Variants in FAM13A observed in about 807,000 individuals in gnomAD.
FAM13A encodes the protein family with sequence similarity 13 member A.
A neutral mutation model predicts 129.6 loss-of-function variants in FAM13A; 76 were observed. The ratio of observed to expected loss-of-function variants is 0.59; its 90% confidence interval spans 0.49 to 0.71. The LOEUF (loss-of-function observed/expected upper bound fraction) is 0.71. Ranked by LOEUF, FAM13A falls within the 30% of genes least tolerant of loss-of-function variation. The pLI is 0.00. For missense variants in FAM13A, 1,108 were observed against 1,249.3 expected (o/e 0.89, Z 1.70); for synonymous variants, 443 against 449.9 (o/e 0.98, Z 0.20).
chr4:88,874,090 G>GCC (rs1741939194), intron 6 of FAM13A, among the ~76,000 whole-genome samples: 1 of 152,064 alleles, frequency 6.6e-6, no homozygotes, highest in Non-Finnish European at 1.5e-5. Context: ...ATTCAACACT[G>GCC]CTTCATGCTG....
chr4:89,022,461 T>G (rs1278213971), intron 2 of FAM13A, among the ~76,000 whole-genome samples: 1 of 152,104 alleles, frequency 6.6e-6, no homozygotes, highest in African/African-American at 2.4e-5. Flanking sequence ...TAGCTCCAAT[T>G]CTGAAAAAAA....
intron 4 of FAM13A, among the ~76,000 whole-genome samples, chr4:88,982,085 T>G (rs1299709032): frequency 6.6e-6 from 1 of 152,224 alleles, no homozygotes; most frequent in Non-Finnish European, 1.5e-5. Flanking sequence ...CAGATTGGTC[T>G]GAGAGGCGGG....
intron 14 of FAM13A, among the ~76,000 whole-genome samples, chr4:88,752,527 G>A (rs545536664): frequency 2.2e-4 from 33 of 152,336 alleles, no homozygotes; most frequent in African/African-American, 7.0e-4. Flanking sequence ...AATGAAAGCA[G>A]TGTTAAAGAC....
chr4:89,011,613 C>T (rs1019053881), intron 3 of FAM13A, among the ~76,000 whole-genome samples: 2 of 151,954 alleles, frequency 1.3e-5, no homozygotes, highest in Non-Finnish European at 2.9e-5. Flanking sequence ...GACCCTATAC[C>T]ACCTAACCTC....
chr4:88,978,101 C>T (rs542031035), intron 4 of FAM13A, among the ~76,000 whole-genome samples: 13 of 152,208 alleles, frequency 8.5e-5, no homozygotes, highest in Admixed American at 3.9e-4. Flanking sequence ...CCTATAACTA[C>T]CTCACCAAGA....
intron 1 of FAM13A, among the ~76,000 whole-genome samples, chr4:89,056,472 G>T (rs572837304): frequency 6.6e-6 from 1 of 152,210 alleles, no homozygotes; most frequent in Middle Eastern, 3.4e-3. Flanking sequence ...CAGCAATCAT[G>T]CTGAAACAGA....
At chr4:89,027,554 T>A (rs1330216167) in intron 2 of FAM13A, among the ~76,000 whole-genome samples, 3 of 152,032 alleles carry the variant, frequency 2.0e-5, no homozygotes, top group African/African-American at 7.2e-5. Flanking sequence ...GGGAGAGATT[T>A]GTTCTTACCA....
At chr4:88,760,918 G>T (rs1180243163) in intron 13 of FAM13A, among the ~76,000 whole-genome samples, 1 of 152,016 alleles carries the variant, frequency 6.6e-6, no homozygotes, top group East Asian at 1.9e-4. Context: ...TTCTCAAAAA[G>T]ATTTATAATG....
At chr4:88,774,334 A>G (rs6841084) in intron 11 of FAM13A, among the ~76,000 whole-genome samples, 2 of 152,058 alleles carry the variant, frequency 1.3e-5, no homozygotes, top group African/African-American at 4.8e-5. Context: ...TGAGACTGTA[A>G]ACTTCAGGAA....
At chr4:89,037,354 T>C (rs886191047) in intron 1 of FAM13A, among the ~76,000 whole-genome samples, 3 of 152,240 alleles carry the variant, frequency 2.0e-5, no homozygotes, top group African/African-American at 7.2e-5. Flanking sequence ...CTGCTGGGTT[T>C]CAAACTTGCA....
At chr4:88,770,199 A>T (rs1249875236) in intron 11 of FAM13A, among the ~76,000 whole-genome samples, 3 of 152,226 alleles carry the variant, frequency 2.0e-5, no homozygotes, top group Non-Finnish European at 4.4e-5. Flanking sequence ...AGTGTGAGTT[A>T]GAAGAGGCCT....
intron 1 of FAM13A, among the ~76,000 whole-genome samples, chr4:89,035,609 A>C (rs1427273993): frequency 1.3e-5 from 2 of 152,192 alleles, no homozygotes; most frequent in African/African-American, 4.8e-5. Context: ...TCTCATGTGG[A>C]ATTGTAATCT....
At chr4:88,770,998 T>A (rs1212169230) in intron 11 of FAM13A, among the ~76,000 whole-genome samples, 1 of 152,214 alleles carries the variant, frequency 6.6e-6, no homozygotes, top group Non-Finnish European at 1.5e-5. Context: ...AATTGTCATG[T>A]TATTTCTGTG....
intron 4 of FAM13A, among the ~76,000 whole-genome samples, chr4:88,984,688 T>G (rs1433600038): frequency 6.6e-6 from 1 of 152,194 alleles, no homozygotes; most frequent in Non-Finnish European, 1.5e-5. Flanking sequence ...CATGGCCATG[T>G]GTCTTTCTCT....
intron 6 of FAM13A, among the ~76,000 whole-genome samples, chr4:88,877,754 A>C (rs140287521): frequency 1.1e-4 from 17 of 152,298 alleles, no homozygotes; most frequent in African/African-American, 3.6e-4. Flanking sequence ...TTTTCTAATA[A>C]GATTTAAATT....
intron 4 of FAM13A, among the ~76,000 whole-genome samples, chr4:88,987,406 G>A (rs1470245403): frequency 6.6e-6 from 1 of 152,116 alleles, no homozygotes; most frequent in Non-Finnish European, 1.5e-5. Context: ...CAAAGGGAAT[G>A]CCACAGCCTT....
chr4:88,780,922 G>GA (rs1197291828), intron 11 of FAM13A, among the ~76,000 whole-genome samples: 1 of 151,230 alleles, frequency 6.6e-6, no homozygotes, highest in Non-Finnish European at 1.5e-5. Context: ...AAAAAAAAGA[G>GA]AAAAAAACAA....
chr4:88,944,357 T>C (rs1470582121), intron 4 of FAM13A, among the ~76,000 whole-genome samples: 1 of 152,128 alleles, frequency 6.6e-6, no homozygotes, highest in African/African-American at 2.4e-5. Context: ...AGTTCCTCTT[T>C]TAAAAAAAAG....
chr4:88,970,604 C>T (rs1033898816), intron 4 of FAM13A, among the ~76,000 whole-genome samples: 7 of 151,498 alleles, frequency 4.6e-5, no homozygotes, highest in Non-Finnish European at 7.4e-5. Flanking sequence ...ATTATATAGA[C>T]TGATCTTCAA....
Sources: gnomAD v4.1 joint callset for allele counts (sites outside exome capture counted in the v4.1 genomes callset) on GRCh38, gnomAD v4.1.1 for gene constraint, MANE v1.5 for transcripts, NCBI Gene and HGNC (gene_info 2026-07-23, HGNC 2026-07-21) for gene names.